Variants in SLC7A10 observed in about 807,000 individuals in gnomAD.
SLC7A10 encodes the protein solute carrier family 7 member 10.
SLC7A10 carries 30 observed loss-of-function variants against 52.7 expected under a neutral mutation model. The ratio of observed to expected loss-of-function variants is 0.57; its 90% CI spans 0.43 to 0.77. SLC7A10 has a LOEUF of 0.77. Ranked by LOEUF, SLC7A10 falls within the 30% of genes least tolerant of loss-of-function variation. The pLI, the probability that SLC7A10 is intolerant of heterozygous loss-of-function variation, is 0.00. For synonymous variants in SLC7A10, 318 were observed against 314.9 expected, an observed-to-expected ratio of 1.01 and a Z score of -0.10; for missense variants, 581 against 698.5, an observed-to-expected ratio of 0.83 and a Z score of 1.90.
chr19:33,224,276 C>T (rs1974876214), intron 1 of SLC7A10, among the ~76,000 whole-genome samples: 1 of 152,156 alleles, frequency 6.6e-6, no homozygotes, highest in South Asian at 2.1e-4. Flanking sequence ...GGCCAAATCC[C>T]TGGAACCAGC....
intron 1 of SLC7A10, among the ~76,000 whole-genome samples, chr19:33,219,578 C>T (rs537049719): frequency 3.9e-5 from 6 of 152,346 alleles, no homozygotes; most frequent in African/African-American, 1.2e-4. Context: ...GCTGCCCTTC[C>T]GAGCCCCAGT....
At chr19:33,223,309 GAAAAAAAAAAA>G (rs59600246) in intron 1 of SLC7A10, among the ~76,000 whole-genome samples, 1 of 117,340 alleles carries the variant, frequency 8.5e-6, no homozygotes, top group Non-Finnish European at 1.8e-5. Context: ...CTCTGTCTCA[GAAAAAAAAAAA>G]AAAAAAAAGA....
chr19:33,210,542 G>A lies in SLC7A10; in HGVS notation c.1188C>T (p.Tyr396=), dbSNP rs746897647. ...CCAGGATGGTGACGCCGTAGCAGAG[G>A]TAGTTGATGAAGGACACATAGTTGA... is the stretch of plus-strand genomic sequence containing the variant. ...TLINYVSFIN[Y]LCYGVTILGL... is the part of the protein sequence containing the mutation. The change falls in exon 9 of 11, where the codon TAC becomes TAT. Residue 396 remains tyrosine (Y), a synonymous_variant. Transcript: ENST00000253188. This position sits in a 1 kb window ranked among gnomAD's most constrained non-coding sequence, Gnocchi z 5.6. 1.9e-6 allele frequency: 3 copies of A among 1,611,912 alleles called. No individual in the cohort carries two copies. The East Asian group carries it at 6.7e-5, about 36-fold the overall frequency.
At chr19:33,216,703 T>C (rs909768123) in intron 1 of SLC7A10, among the ~76,000 whole-genome samples, 2 of 152,050 alleles carry the variant, frequency 1.3e-5, no homozygotes, top group Non-Finnish European at 2.9e-5. Flanking sequence ...GCCTTCCAAG[T>C]AGTTAGAATT....
chr19:33,223,428 C>G (rs147725701), intron 1 of SLC7A10, among the ~76,000 whole-genome samples: 38 of 152,104 alleles, frequency 2.5e-4, no homozygotes, highest in African/African-American at 8.2e-4. Flanking sequence ...TCTGACCAGG[C>G]TCCCCAGGGT....
chr19:33,218,684 T>TCCTTC (rs1456336386), intron 1 of SLC7A10, among the ~76,000 whole-genome samples: 2 of 48,714 alleles, frequency 4.1e-5, no homozygotes, highest in Non-Finnish European at 5.4e-5. Context: ...TTTCTTTCTT[T>TCCTTC]TTTTTTTTTT....
rs750392146 is a variant in SLC7A10 at position 33,212,522 on chromosome 19, A to C, written c.626T>G (p.Ile209Ser). The change falls in exon 4 of 11, where the codon ATC becomes AGC. Residue 209 changes from isoleucine to serine, a missense_variant. Coordinates refer to ENST00000253188, the MANE Select transcript of SLC7A10 (RefSeq NM_019849.3). Reference sequence around the variant, plus strand: ...CCCCGACTCGGCCCTACCTTGGAAGATCTGGAGAAGGCCCACGCCGATGAT... The same window carrying C: ...CCCCGACTCGGCCCTACCTTGGAAGCTCTGGAGAAGGCCCACGCCGATGAT... ...SLIIGVGLLQ[I>S]FQGHFEELRP... 6.2e-7 allele frequency: 1 copy of C among 1,613,994 alleles called. No individual in the cohort carries two copies. Among genetic ancestry groups the C allele is most frequent in the Admixed American group, 1.7e-5 (1 of 60,028 alleles).
chr19:33,215,584 C>A (rs931540194), intron 2 of SLC7A10, among the ~76,000 whole-genome samples, 185 bp downstream of exon 2: 1 of 139,414 alleles, frequency 7.2e-6, no homozygotes, highest in Non-Finnish European at 1.6e-5. Context: ...CTGTCCAGCA[C>A]CCCCACACCT....
At position 33,212,956 on chromosome 19, in the gene SLC7A10, G is replaced by A. The variant is rs1235447666; in HGVS notation, c.403C>T (p.Leu135Phe). Reference sequence around the variant, plus strand: ...GAGAAGGTCATGGAGATGACAGCAAGGCTGGTGGGGTACATGATGAGGACG... The same window carrying A: ...GAGAAGGTCATGGAGATGACAGCAAAGCTGGTGGGGTACATGATGAGGACG... ...SAVLIMYPTS[L>F]AVISMTFSNY... Residue 135 changes from leucine (L) to phenylalanine (F), a missense_variant, in exon 3 of 11, where the codon CTT (leucine) becomes TTT (phenylalanine). By Grantham distance (22) the Leu-to-Phe change is conservative. Transcript: ENST00000253188. 2 of 1,614,078 alleles carry A rather than the reference G, an allele frequency of 1.2e-6. No individual in the cohort carries two copies. Among genetic ancestry groups the A allele is most frequent in the East Asian group, 2.2e-5 (1 of 44,874 alleles).
intron 2 of SLC7A10, among the ~76,000 whole-genome samples, chr19:33,215,485 CCAGAGAGGCCCAGGGGCCTG>C (rs1213981763): frequency 6.6e-6 from 1 of 151,748 alleles, no homozygotes; most frequent in Non-Finnish European, 1.5e-5. Context: ...AAAAGGAGAT[CCAGAGAGGCCCAGGGGCCTG>C]CAGGAGTGCC....
At position 33,225,548 on chromosome 19, in the gene SLC7A10, C is replaced by T. The variant is rs1232895053; in HGVS notation, c.151+5G>A. 1.9e-6 allele frequency: 3 copies of T among 1,596,302 alleles called. No individual in the cohort carries two copies. Among genetic ancestry groups the T allele is most frequent in the Non-Finnish European group, 2.5e-6 (3 of 1,179,234 alleles). Reference sequence around the variant, plus strand: ...CCGGCGCCCGCCCGCCTGGGTCCCGCTCACCGATGATGATGGTGCAGGCGC... The same window carrying T: ...CCGGCGCCCGCCCGCCTGGGTCCCGTTCACCGATGATGATGGTGCAGGCGC... On this transcript the variant is annotated splice_donor_5th_base_variant and intron_variant, in intron 1 of 10. Coordinates refer to ENST00000253188, the MANE Select transcript of SLC7A10 (RefSeq NM_019849.3).
At chr19:33,215,679 G>A (rs993351285) in intron 2 of SLC7A10, 90 bp downstream of exon 2, 18 of 1,271,814 alleles carry the variant, frequency 1.4e-5, no homozygotes, top group Middle Eastern at 2.9e-4. Flanking sequence ...CTAGGAAGCC[G>A]GAAGCAGGAG....
chr19:33,224,391 G>A (rs766202092), intron 1 of SLC7A10, among the ~76,000 whole-genome samples: 9 of 152,104 alleles, frequency 5.9e-5, no homozygotes, highest in Non-Finnish European at 1.2e-4. Context: ...TAAGGGGAGG[G>A]GGTGAGATGG....
chr19:33,225,178 GACCAGCCCCTAC>G lies in SLC7A10; in HGVS notation c.151+363_151+374del, dbSNP rs1397111476. 3.9e-5 allele frequency among the ~76,000 whole-genome samples: 6 copies of G among 152,366 alleles called. No individual in the cohort carries two copies. In the South Asian group the frequency reaches 8.3e-4, roughly 21 times the overall value. On this transcript the variant is annotated intron_variant, in intron 1 of 10. Coordinates refer to ENST00000253188, the MANE Select transcript of SLC7A10 (RefSeq NM_019849.3). ...TGGGGAGCTCAGCCTGCCGCAGCCT[GACCAGCCCCTAC>G]ACTGGTCAAGTTCCTGCGCTAATCG... is the stretch of plus-strand genomic sequence containing the variant.
intron 2 of SLC7A10, among the ~76,000 whole-genome samples, chr19:33,214,634 T>C (rs1183808598): frequency 6.6e-6 from 1 of 152,220 alleles, no homozygotes; most frequent in Non-Finnish European, 1.5e-5. Context: ...CTGTTCACAC[T>C]TCCCCCATCC....
chr19:33,224,785 G>A (rs1974887191), intron 1 of SLC7A10, among the ~76,000 whole-genome samples: 1 of 152,180 alleles, frequency 6.6e-6, no homozygotes, highest in East Asian at 1.9e-4. Flanking sequence ...CTCTCTGCCT[G>A]CCCAGAAACC....
Position 33,210,622 on chromosome 19 carries a change from A to G in SLC7A10, c.1114-6T>C, listed in dbSNP as rs1974523952. On this transcript the variant is annotated splice_polypyrimidine_tract_variant and splice_region_variant and intron_variant, in intron 8 of 10. Coordinates refer to ENST00000253188, the MANE Select transcript of SLC7A10 (RefSeq NM_019849.3). This position sits in a 1 kb window ranked among gnomAD's most constrained non-coding sequence, Gnocchi z 5.6. The stretch of plus-strand genomic sequence containing the variant: ...ATGACGGCTGTGGCCCCGCACTGGG[A>G]GAGGACCTGGGGCTGACGGCTGGCC... 3 of 1,611,284 alleles carry G rather than the reference A, an allele frequency of 1.9e-6. No individual in the cohort carries two copies. Among genetic ancestry groups the G allele is most frequent in the South Asian group, 1.1e-5 (1 of 91,080 alleles).
chr19:33,212,476 A>G (rs1185638632), intron 4 of SLC7A10, 31 bp from the exon 5 acceptor site: 3 of 1,613,846 alleles, frequency 1.9e-6, no homozygotes, highest in South Asian at 1.1e-5. Flanking sequence ...GGTCAGCACC[A>G]TCTCCCCAGC....
intron 10 of SLC7A10, 100 bp from the exon 11 acceptor site, chr19:33,209,121 C>T: frequency 6.3e-6 from 10 of 1,579,008 alleles, no homozygotes; most frequent in Non-Finnish European, 8.6e-6. Context: ...CAGGGAGTTG[C>T]TCCGTCGGTA....
Sources: gnomAD v4.1 joint callset for allele counts (sites outside exome capture counted in the v4.1 genomes callset) on GRCh38, gnomAD v4.1.1 for gene constraint, Gnocchi (gnomAD v3.1) non-coding constraint, MANE v1.5 for transcripts, NCBI Gene and HGNC (gene_info 2026-07-23, HGNC 2026-07-21) for gene names.